Variants in USH2A observed in about 807,000 individuals in gnomAD.
USH2A encodes Usher syndrome 2A (autosomal recessive, mild).
In USH2A, 443 loss-of-function variants were observed where a neutral mutation model predicts 538.9. The observed-to-expected ratio is 0.82, with a 90% confidence interval of 0.76 to 0.89. The LOEUF (loss-of-function observed/expected upper bound fraction) is 0.89, where lower values mean the gene tolerates loss of function less well. USH2A is among the 40% of genes least tolerant of loss of function. USH2A has a pLI of 0.00. For missense variants in USH2A, 6,633 were observed against 6,324.8 expected, an observed-to-expected ratio of 1.05 and a Z score of -1.65; for synonymous variants, 2,413 against 2,273.5, an observed-to-expected ratio of 1.06 and a Z score of -1.75.
Position 216,232,099 on chromosome 1 carries a change from C to T in USH2A, c.2847G>A (p.Leu949=). The change falls in exon 14 of 72, where the codon CTG becomes CTA. Residue 949 remains leucine, a synonymous_variant. Coordinates refer to ENST00000307340, the MANE Select transcript of USH2A (RefSeq NM_206933.4). ...YISPGNATGC[L]PCSCHTTGAV... ...CACCAGTTGTATGGCATGAGCATGG[C>T]AGGCAGCCAGTGGCATTGCCTGGAG... 1.2e-6 allele frequency: 2 copies of T among 1,613,782 alleles called. No homozygotes were observed. Among genetic ancestry groups the T allele is most frequent in the Non-Finnish European group, 8.5e-7 (1 of 1,179,814 alleles).
chr1:215,893,292 C>T, intron 40 of USH2A, among the ~76,000 whole-genome samples: 1 of 152,038 alleles, frequency 6.6e-6, no homozygotes, highest in Non-Finnish European at 1.5e-5. Context: ...GGTAAACATC[C>T]ATCTTTTTGT....
intron 29 of USH2A, among the ~76,000 whole-genome samples, chr1:216,070,595 G>GGA (rs1294446551): frequency 6.6e-6 from 1 of 152,018 alleles, no homozygotes; most frequent in Non-Finnish European, 1.5e-5. Flanking sequence ...AGAAGGAGGT[G>GGA]GATGGTAGGC....
chr1:215,684,013 C>A (rs1658332777), intron 61 of USH2A, among the ~76,000 whole-genome samples: 1 of 152,104 alleles, frequency 6.6e-6, no homozygotes, highest in South Asian at 2.1e-4. Flanking sequence ...GATGACTCAA[C>A]AAAGAAAAAC....
intron 34 of USH2A, among the ~76,000 whole-genome samples, chr1:215,993,836 A>T (rs1009840886): frequency 6.6e-6 from 1 of 152,188 alleles, no homozygotes; most frequent in Non-Finnish European, 1.5e-5. Context: ...CAAATTTAAC[A>T]TGATCACAGA....
intron 14 of USH2A, among the ~76,000 whole-genome samples, chr1:216,224,750 C>A (rs2035527405): frequency 6.6e-6 from 1 of 152,006 alleles, no homozygotes; most frequent in Non-Finnish European, 1.5e-5. Flanking sequence ...CTATATCCAA[C>A]AAATAGAGCA....
intron 21 of USH2A, among the ~76,000 whole-genome samples, chr1:216,117,789 C>T (rs564646626): frequency 6.7e-6 from 1 of 150,010 alleles, no homozygotes; most frequent in East Asian, 1.9e-4. Context: ...GACACACATA[C>T]ACACACAGAC....
intron 38 of USH2A, among the ~76,000 whole-genome samples, chr1:215,933,596 G>A (rs1666416601): frequency 6.6e-6 from 1 of 151,778 alleles, no homozygotes; most frequent in African/African-American, 2.4e-5. Flanking sequence ...TTTTTTGCAG[G>A]GGAGCGGTTC....
chr1:216,344,268 A>G (rs1451778634), intron 4 of USH2A, among the ~76,000 whole-genome samples: 1 of 152,132 alleles, frequency 6.6e-6, no homozygotes, highest in Non-Finnish European at 1.5e-5. Context: ...TAACAGAAAG[A>G]GTCTCCACAG....
At chr1:216,081,198 G>C (rs1291727852) in intron 26 of USH2A, among the ~76,000 whole-genome samples, 2 of 152,074 alleles carry the variant, frequency 1.3e-5, no homozygotes, top group Non-Finnish European at 2.9e-5. Context: ...GTAGAAATAT[G>C]GTTGAAGAAA....
chr1:216,335,626 AT>A (rs897661858), intron 4 of USH2A, among the ~76,000 whole-genome samples: 1 of 151,656 alleles, frequency 6.6e-6, no homozygotes, highest in African/African-American at 2.4e-5. Flanking sequence ...AAAAAGGATC[AT>A]AAGGGATACT....
chr1:215,972,063 C>T (rs1156669302), intron 35 of USH2A, among the ~76,000 whole-genome samples: 1 of 152,140 alleles, frequency 6.6e-6, no homozygotes, highest in African/African-American at 2.4e-5. Flanking sequence ...TGACGTCCGC[C>T]CCAGCTACAC....
chr1:216,365,617 T>A (rs1261713693), intron 3 of USH2A, among the ~76,000 whole-genome samples: 1 of 152,158 alleles, frequency 6.6e-6, no homozygotes, highest in African/African-American at 2.4e-5. Context: ...AAGTTGCCAA[T>A]CATATTCTAG....
rs144420904 is a variant in USH2A at position 215,926,571 on chromosome 1, G to A, written c.7300+8045C>T. ...TGGATCATTCTGCCACTTTGGAAGCGTGTCTTTTTCCTAAATAGTAGACAC... is the reference window on the plus strand; with the variant it reads ...TGGATCATTCTGCCACTTTGGAAGCATGTCTTTTTCCTAAATAGTAGACAC... On this transcript the variant is annotated intron_variant, in intron 38 of 71. Transcript: ENST00000307340. Among the ~76,000 whole-genome samples the A allele has an allele frequency of 4.9e-5, 7 of 142,778 alleles. No homozygotes were observed. The East Asian group carries it at 6.4e-4, about 13-fold the overall frequency. The allele number at this position is 142,778 out of a possible 152,430, so 93.7% of individuals were successfully genotyped here.
chr1:215,874,089 AT>A (rs1223226931), intron 43 of USH2A, among the ~76,000 whole-genome samples: 2 of 152,152 alleles, frequency 1.3e-5, no homozygotes, highest in Non-Finnish European at 2.9e-5. Context: ...GTGAAGGTAG[AT>A]TGATGCTTAA....
At chr1:215,668,776 A>G (rs1046425773) in intron 64 of USH2A, among the ~76,000 whole-genome samples, 1 of 152,210 alleles carries the variant, frequency 6.6e-6, no homozygotes, top group Non-Finnish European at 1.5e-5. Context: ...CATGCCTGTA[A>G]TCCCAGCATT....
intron 32 of USH2A, among the ~76,000 whole-genome samples, chr1:216,002,355 TTCTC>T (rs1008688713): frequency 2.6e-5 from 4 of 152,164 alleles, no homozygotes; most frequent in African/African-American, 4.8e-5. Context: ...CTGGTGACCT[TTCTC>T]TCTCTCATTG....
chr1:216,245,305 C>A (rs2036014538), intron 13 of USH2A, among the ~76,000 whole-genome samples: 1 of 152,052 alleles, frequency 6.6e-6, no homozygotes, highest in African/African-American at 2.4e-5. Context: ...CAGAGGTAAC[C>A]AACCAAACAA....
chr1:216,268,304 T>C (rs768795810), intron 11 of USH2A, among the ~76,000 whole-genome samples: 5 of 152,086 alleles, frequency 3.3e-5, no homozygotes, highest in South Asian at 2.1e-4. Context: ...GAATTAACTA[T>C]ACTCTGAACA....
At chr1:215,814,638 A>G (rs952297460) in intron 48 of USH2A, among the ~76,000 whole-genome samples, 2 of 152,090 alleles carry the variant, frequency 1.3e-5, no homozygotes, top group East Asian at 1.9e-4. Context: ...CTGCCATCAC[A>G]TGAAGAAGGT....
Sources: gnomAD v4.1 joint callset for allele counts (sites outside exome capture counted in the v4.1 genomes callset) on GRCh38, gnomAD v4.1.1 for gene constraint, MANE v1.5 for transcripts, NCBI Gene and HGNC (gene_info 2026-07-23, HGNC 2026-07-21) for gene names.